The following WDR62 variants were observed in gnomAD, a reference collection of about 807,000 sequenced individuals.
WDR62 encodes WD repeat domain 62.
WDR62 carries 112 observed loss-of-function variants against 160.6 expected under a neutral mutation model. The ratio of observed to expected loss-of-function variants is 0.70; its 90% CI spans 0.60 to 0.82. WDR62 has a LOEUF of 0.82. Among genes scored for constraint, WDR62 ranks in the 40% least tolerant of loss-of-function variants. The pLI is 0.00. For missense variants in WDR62, 1,819 were observed against 1,983.8 expected (o/e 0.92, Z 1.58); for synonymous variants, 792 against 815.1 (o/e 0.97, Z 0.48).
chr19:36,094,118 G>A lies in WDR62; in HGVS notation c.2421G>A (p.Glu807=). 3.1e-6 allele frequency: 5 copies of A among 1,614,048 alleles called. No homozygotes were observed. In the East Asian group the frequency reaches 1.1e-4, roughly 36 times the overall value. Residue 807 remains glutamate, a synonymous_variant, in exon 20 of 32, where the codon GAG becomes GAA. Coordinates refer to ENST00000401500, the MANE Select transcript of WDR62 (RefSeq NM_001083961.2). ...AGGATGATCTGGAGGAAGAGTGTGA[G>A]CCAGAAGAGATGCTGAAGACACCAT... ...QTEDDLEEEC[E]PEEMLKTPSK...
intron 7 of WDR62, chr19:36,070,132 T>C (rs995472897): frequency 6.6e-6 from 1 of 151,148 alleles, no homozygotes; most frequent in Admixed American, 6.6e-5. Context: ...ACAAAATACA[T>C]AAACTTTTAT....
chr19:36,060,114 A>T (rs1970571636), intron 3 of WDR62, 84 bp downstream of exon 3: 1 of 1,353,806 alleles, frequency 7.4e-7, no homozygotes, highest in African/African-American at 1.4e-5. Context: ...GGAGATACTC[A>T]TGGGTAGGTG....
At position 36,101,761 on chromosome 19, in the gene WDR62, G is replaced by A; in HGVS notation, c.3069G>A (p.Leu1023=). 1 of 1,551,970 alleles carries A rather than the reference G, an allele frequency of 6.4e-7. No homozygotes were observed. ...CTGCCCCTCGGTTTGCCACGTCGCTGCCCCATTTCCCAGGTAAGCAGGGGC... is the reference window on the plus strand; with the variant it reads ...CTGCCCCTCGGTTTGCCACGTCGCTACCCCATTTCCCAGGTAAGCAGGGGC... ...PDPAPRFATS[L]PHFPGCAGPT... The change falls in exon 25 of 32, where the codon CTG becomes CTA. Residue 1023 remains leucine (L), a synonymous_variant. Coordinates refer to ENST00000401500, the MANE Select transcript of WDR62 (RefSeq NM_001083961.2).
chr19:36,108,570 C>T (rs1011035213), downstream of WDR62, among the ~76,000 whole-genome samples: 32 of 149,352 alleles, frequency 2.1e-4, no homozygotes, highest in Admixed American at 7.3e-4. Flanking sequence ...AGGGATTCCT[C>T]GGCAGGATGC....
intron 9 of WDR62, among the ~76,000 whole-genome samples, chr19:36,077,307 T>G (rs1257554589): frequency 1.6e-5 from 2 of 125,228 alleles, no homozygotes; most frequent in African/African-American, 6.1e-5. Flanking sequence ...AGATGGAGTC[T>G]CACTCTGTCG....
chr19:36,096,869 C>A (rs1355595690), intron 20 of WDR62, among the ~76,000 whole-genome samples, 158 bp from the exon 21 acceptor site: 1 of 152,228 alleles, frequency 6.6e-6, no homozygotes, highest in Admixed American at 6.5e-5. Flanking sequence ...TCAAATATCG[C>A]ATCCCACGGT....
chr19:36,103,931 C>A lies in WDR62; in HGVS notation c.4103C>A (p.Ala1368Asp). Residue 1368 changes from alanine to aspartate, a missense_variant, in exon 30 of 32, where the codon GCC becomes GAC. Transcript: ENST00000401500. ...CCCAGTAACCCCCAGCTTCCAGAGG[C>A]CCGGCCTGGCATCCCTGGCGGCACT... ...AHPSNPQLPE[A>D]RPGIPGGTAS... 1 of 1,599,088 alleles carries A rather than the reference C, an allele frequency of 6.3e-7. No homozygotes were observed.
rs1383140390 is a variant in WDR62, at chr19:36,086,674, T to G, written c.1643-13T>G. The G allele has an allele frequency of 6.3e-7, 1 of 1,594,590 alleles. No individual in the cohort carries two copies. Among genetic ancestry groups the G allele is most frequent in the Admixed American group, 1.7e-5 (1 of 57,824 alleles). ...CAGCCTTCAGGAACCAGTCTCATTC[T>G]CTCCTCTCACAGGGCTGACCTTGCT... On this transcript the variant is annotated splice_polypyrimidine_tract_variant and intron_variant, in intron 12 of 31. Transcript: ENST00000401500.
At chr19:36,072,958 C>T (rs1484458501) in intron 8 of WDR62, among the ~76,000 whole-genome samples, 1 of 152,190 alleles carries the variant, frequency 6.6e-6, no homozygotes, top group Non-Finnish European at 1.5e-5. Flanking sequence ...GCTCCCCAGC[C>T]TCCTTAGGAC....
chr19:36,063,980 G>A (rs983082947), intron 3 of WDR62, among the ~76,000 whole-genome samples: 12 of 152,212 alleles, frequency 7.9e-5, no homozygotes, highest in Admixed American at 7.2e-4. Flanking sequence ...TGCCCTGTCT[G>A]GTTAGGTAAC....
intron 11 of WDR62, 105 bp from the exon 12 acceptor site, chr19:36,084,548 A>C: frequency 9.8e-7 from 1 of 1,025,014 alleles, no homozygotes; most frequent in East Asian, 2.4e-5. Context: ...GGCCATGATA[A>C]GGGGTTCTCA....
chr19:36,073,290 G>T lies in WDR62; in HGVS notation c.1044-52G>T, dbSNP rs999028627. ...ATCTCCACTGTCACTAGAGGTGGCT[G>T]TCACTACTCAGTGACATTGATGGTG... On this transcript the variant is annotated intron_variant, in intron 8 of 31. Coordinates refer to ENST00000401500, the MANE Select transcript of WDR62 (RefSeq NM_001083961.2). 6 of 1,576,598 alleles carry T rather than the reference G, an allele frequency of 3.8e-6. No individual in the cohort carries two copies. The Admixed American group carries it at 6.7e-5, about 18-fold the overall frequency.
chr19:36,068,993 C>G (rs1379482447), intron 7 of WDR62, among the ~76,000 whole-genome samples: 4 of 150,302 alleles, frequency 2.7e-5, no homozygotes, highest in Non-Finnish European at 5.9e-5. Flanking sequence ...CGGACCCCCA[C>G]CTCCCTCCCT....
intron 9 of WDR62, among the ~76,000 whole-genome samples, chr19:36,077,675 C>T (rs1346148889): frequency 6.6e-6 from 1 of 151,944 alleles, no homozygotes; most frequent in African/African-American, 2.4e-5. Flanking sequence ...CGGCTCACTG[C>T]AACCTCCACC....
intron 3 of WDR62, among the ~76,000 whole-genome samples, chr19:36,063,876 A>G (rs956896822): frequency 2.0e-5 from 3 of 152,224 alleles, no homozygotes; most frequent in Admixed American, 2.0e-4. Context: ...ACTTTCACTC[A>G]ACTAATCTTA....
intron 25 of WDR62, 71 bp downstream of exon 25, chr19:36,101,845 C>T (rs755135731): frequency 2.7e-6 from 4 of 1,498,220 alleles, no homozygotes; most frequent in Non-Finnish European, 3.6e-6. Flanking sequence ...AATGTCTAAG[C>T]ACAGGCCCTG....
Position 36,073,475 on chromosome 19 carries a change from A to G in WDR62, c.1177A>G (p.Arg393Gly), listed in dbSNP as rs533777525. The G allele has an allele frequency of 6.2e-7, 1 of 1,614,154 alleles. No individual in the cohort carries two copies. Among genetic ancestry groups the G allele is most frequent in the African/African-American group, 1.3e-5 (1 of 75,036 alleles). ...IYIWDVKDIN[R>G]VGKVWSELFH... is the part of the protein sequence containing the mutation. ...CATCTGGGATGTCAAGGACATCAACAGAGTGGGCAAGGTGTGGTCAGAGCT... is the reference window on the plus strand; with the variant it reads ...CATCTGGGATGTCAAGGACATCAACGGAGTGGGCAAGGTGTGGTCAGAGCT... Residue 393 changes from arginine (R) to glycine (G), a missense_variant, in exon 9 of 32, where the codon AGA becomes GGA. This residue lies in a region of WDR62 where 934 missense variants were observed against 1,157.2 expected (regional missense o/e 0.81). Coordinates refer to ENST00000401500, the MANE Select transcript of WDR62 (RefSeq NM_001083961.2).
intron 25 of WDR62, 108 bp from the exon 26 acceptor site, chr19:36,101,906 G>T: frequency 6.4e-7 from 1 of 1,572,844 alleles, no homozygotes; most frequent in Non-Finnish European, 8.7e-7. Context: ...TTCTCAGCCT[G>T]CGGGCAACAG....
chr19:36,091,012 A>G (rs184566125), intron 16 of WDR62, among the ~76,000 whole-genome samples, 188 bp from the exon 17 acceptor site: 15 of 152,402 alleles, frequency 9.8e-5, no homozygotes, highest in Admixed American at 9.1e-4. Flanking sequence ...TGCTTAGCAC[A>G]GGGCCTGGCT....
Sources: gnomAD v4.1 joint callset for allele counts (sites outside exome capture counted in the v4.1 genomes callset) on GRCh38, gnomAD v4.1.1 for gene constraint, gnomAD v4.1.1 regional missense constraint, MANE v1.5 for transcripts, NCBI Gene and HGNC (gene_info 2026-07-23, HGNC 2026-07-21) for gene names.